The following AVEN variants were observed in gnomAD, a reference collection of about 807,000 sequenced individuals.
AVEN encodes the protein apoptosis and caspase activation inhibitor, also known as cell death regulator Aven.
In AVEN, 41 loss-of-function variants were observed where a neutral mutation model predicts 38.1. The observed-to-expected ratio is 1.08, with a 90% CI of 0.84 to 1.40. The LOEUF (loss-of-function observed/expected upper bound fraction) is 1.40. AVEN is among the 40% of genes most tolerant of loss of function. The probability of loss-of-function intolerance (pLI) is 0.00; values close to 1 mark genes in which losing one functional copy is unlikely to be tolerated. For missense variants in AVEN, 605 were observed against 438.8 expected (o/e 1.38, Z -3.38); for synonymous variants, 206 against 171.8 (o/e 1.20, Z -1.56).
chr15:33,977,029 G>A (rs1026063613), intron 2 of AVEN, among the ~76,000 whole-genome samples: 1 of 152,096 alleles, frequency 6.6e-6, no homozygotes, highest in African/African-American at 2.4e-5. Context: ...TGGTCACAAT[G>A]GCATGAATTA....
At chr15:33,882,887 CAAACA>C (rs1891549299) in intron 2 of AVEN, among the ~76,000 whole-genome samples, 1 of 151,850 alleles carries the variant, frequency 6.6e-6, no homozygotes, top group East Asian at 1.9e-4. Flanking sequence ...CTCAAACAAA[CAAACA>C]AAAGAAACAA....
At position 33,961,585 on chromosome 15, in the gene AVEN, G is replaced by A. The variant is rs1433872275; in HGVS notation, c.445+41447C>T. On this transcript the variant is annotated intron_variant, in intron 2 of 5. Coordinates refer to ENST00000306730, the MANE Select transcript of AVEN (RefSeq NM_020371.3). The stretch of plus-strand genomic sequence containing the variant: ...TCCCAGCACTTTGGGAGGCCAAGGT[G>A]GGCGAATCACGAGGTCAGGAGATCG... 1.2e-4 allele frequency among the ~76,000 whole-genome samples: 18 copies of A among 151,942 alleles called. No homozygotes were observed. The South Asian group carries it at 3.1e-3, about 26-fold the overall frequency.
intron 2 of AVEN, among the ~76,000 whole-genome samples, chr15:33,878,675 G>A (rs1470412170): frequency 1.3e-5 from 2 of 152,090 alleles, no homozygotes; most frequent in African/African-American, 2.4e-5. Flanking sequence ...AGTAACGTTT[G>A]TAGCACATAT....
chr15:33,995,408 T>TA (rs1270987789), intron 2 of AVEN, among the ~76,000 whole-genome samples: 1 of 152,196 alleles, frequency 6.6e-6, no homozygotes, highest in Non-Finnish European at 1.5e-5. Context: ...TTAAAGTATA[T>TA]AAAGGAAGGT....
intron 2 of AVEN, among the ~76,000 whole-genome samples, chr15:33,924,081 T>C (rs555575929): frequency 6.6e-6 from 1 of 151,992 alleles, no homozygotes; most frequent in East Asian, 1.9e-4. Context: ...TCCCCCCCTT[T>C]TCTGGTCCAC....
chr15:33,853,083 G>C, the AVEN span: 4 of 1,598,432 alleles, frequency 2.5e-6, no homozygotes, highest in Non-Finnish European at 3.4e-6. Context: ...TTTGTAAAGA[G>C]AAAGGTATGC....
intron 2 of AVEN, among the ~76,000 whole-genome samples, chr15:33,893,409 A>G (rs1892074976): frequency 6.6e-6 from 1 of 152,168 alleles, no homozygotes; most frequent in African/African-American, 2.4e-5. Flanking sequence ...AGCCTTGCTT[A>G]TATCAGAAAG....
intron 3 of AVEN, among the ~76,000 whole-genome samples, chr15:33,872,818 T>C (rs1597174636): frequency 6.6e-6 from 1 of 152,136 alleles, no homozygotes; most frequent in South Asian, 2.1e-4. Flanking sequence ...GTACCCACCC[T>C]GTCCAAAGGA....
At chr15:34,073,420 C>G (rs1412659118) in intron 1 of AVEN, among the ~76,000 whole-genome samples, 3 of 146,196 alleles carry the variant, frequency 2.1e-5, no homozygotes, top group African/African-American at 7.7e-5. Flanking sequence ...ATGCTCATAT[C>G]TTGCAGAAAA....
At chr15:34,047,835 G>C (rs891321582) in intron 5 of AVEN, among the ~76,000 whole-genome samples, 11 of 152,152 alleles carry the variant, frequency 7.2e-5, no homozygotes, top group Middle Eastern at 6.8e-3. Flanking sequence ...TGCAACCTCT[G>C]CCTCCTGAGC....
In AVEN at chr15:34,063,806, G is replaced by A. The variant is rs781226534; in HGVS notation, n.1127-374C>T. 3 of 1,614,070 alleles carry A rather than the reference G, an allele frequency of 1.9e-6. No homozygotes were observed. The African/African-American group carries it at 4.0e-5, about 22-fold the overall frequency. On this transcript the variant is annotated intron_variant and non_coding_transcript_variant, in intron 4 of 11. Coordinates refer to the AVEN transcript ENST00000675287. This position sits in a 1 kb window ranked among gnomAD's most constrained non-coding sequence, Gnocchi z 4.1. ...ACTATGACACCCCAAACTACCTTCT[G>A]TCTCCAGCAGCTGCTCATAGACCCA...
At chr15:33,857,199 T>G (rs1480797717), downstream of AVEN, among the ~76,000 whole-genome samples, 1 of 151,582 alleles carries the variant, frequency 6.6e-6, no homozygotes, top group Non-Finnish European at 1.5e-5. Flanking sequence ...CAGAAATGTC[T>G]TTTCGACAGT....
chr15:34,006,870 T>C (rs1052074469), intron 1 of AVEN, among the ~76,000 whole-genome samples: 13 of 152,320 alleles, frequency 8.5e-5, no homozygotes, highest in Admixed American at 7.2e-4. Flanking sequence ...TATAGGTTCA[T>C]TGTGCAAAGA....
chr15:33,873,527 A>C (rs1478732373), intron 3 of AVEN, among the ~76,000 whole-genome samples: 2 of 148,150 alleles, frequency 1.3e-5, no homozygotes, highest in Non-Finnish European at 3.0e-5. Context: ...AACATATAAT[A>C]TATATTATAT....
intron 2 of AVEN, among the ~76,000 whole-genome samples, chr15:33,943,061 A>G (rs547192667): frequency 6.6e-6 from 1 of 152,384 alleles, no homozygotes; most frequent in South Asian, 2.1e-4. Flanking sequence ...AAGTTCCTCA[A>G]GAAATCCAAA....
chr15:33,912,889 T>C (rs1364804425), intron 2 of AVEN, among the ~76,000 whole-genome samples: 1 of 14,314 alleles, frequency 7.0e-5, no homozygotes, highest in African/African-American at 3.8e-4. Flanking sequence ...AAAGGCATAA[T>C]TTTTTTTTTT....
rs868842736 is a variant in AVEN, at chr15:33,859,676, C to G, written n.2730-582G>C. ...ATCCTTATGAAATGTATCGCATTGT[C>G]TTTGACATTACCTTTTTCTTCTTCG... is the stretch of plus-strand genomic sequence containing the variant. On this transcript the variant is annotated intron_variant and non_coding_transcript_variant, in intron 11 of 11. Transcript: ENST00000675287. 1.1e-5 allele frequency: 17 copies of G among 1,613,768 alleles called. No homozygotes were observed. The Middle Eastern group carries it at 2.5e-3, about 235-fold the overall frequency.
intron 2 of AVEN, among the ~76,000 whole-genome samples, chr15:33,888,955 A>T (rs1347764920): frequency 6.6e-6 from 1 of 152,042 alleles, no homozygotes; most frequent in Non-Finnish European, 1.5e-5. Flanking sequence ...TGACCTCGTG[A>T]TCCACCTGCC....
At chr15:33,967,029 A>G (rs1895414085) in intron 2 of AVEN, among the ~76,000 whole-genome samples, 1 of 152,124 alleles carries the variant, frequency 6.6e-6, no homozygotes, top group Admixed American at 6.6e-5. Flanking sequence ...TGGGGTATTT[A>G]TTATAGAAGT....
Sources: allele counts gnomAD v4.1 joint callset (sites outside exome capture counted in the v4.1 genomes callset), GRCh38; gene constraint gnomAD v4.1.1; non-coding constraint Gnocchi (gnomAD v3.1); transcripts MANE v1.5; gene names NCBI Gene and HGNC (gene_info 2026-07-23, HGNC 2026-07-21).